HECTD4: variants seen among roughly 807,000 people sequenced by gnomAD.
HECTD4 encodes the protein HECT domain E3 ubiquitin protein ligase 4.
A neutral mutation model predicts 471.5 loss-of-function variants in HECTD4; 114 were observed. That is an observed-to-expected ratio of 0.24 (90% CI 0.21 to 0.28). The LOEUF (loss-of-function observed/expected upper bound fraction) is 0.28, where lower values mean the gene tolerates loss of function less well. HECTD4 is among the 10% of genes least tolerant of loss of function. The pLI, the probability that HECTD4 is intolerant of heterozygous loss-of-function variation, is 1.00. For missense variants in HECTD4, 3,866 were observed against 5,651.5 expected (o/e 0.68, Z 10.13); for synonymous variants, 2,012 against 2,256.0 (o/e 0.89, Z 3.07).
intron 52 of HECTD4, among the ~76,000 whole-genome samples, chr12:112,206,127 A>G (rs1378004048): frequency 1.3e-5 from 2 of 152,182 alleles, no homozygotes; most frequent in Non-Finnish European, 2.9e-5. Context: ...TATGGGAGGA[A>G]AGCAAAATGG....
At chr12:112,259,856 A>C (rs1271976892) in intron 18 of HECTD4, among the ~76,000 whole-genome samples, 1 of 151,980 alleles carries the variant, frequency 6.6e-6, no homozygotes, top group Non-Finnish European at 1.5e-5. Flanking sequence ...ACATTGATTC[A>C]CCTGCCCAGA....
chr12:112,244,637 C>T (rs533206516), intron 29 of HECTD4, among the ~76,000 whole-genome samples: 1 of 152,324 alleles, frequency 6.6e-6, no homozygotes, highest in Admixed American at 6.5e-5. Context: ...TCCCAAAGTG[C>T]CAGGATTACA....
intron 69 of HECTD4, 158 bp downstream of exon 69, chr12:112,170,175 G>C: frequency 9.8e-7 from 1 of 1,015,954 alleles, no homozygotes; most frequent in South Asian, 1.6e-5. Context: ...CTCCTGAGGG[G>C]ACCTTCCAGC....
intron 38 of HECTD4, among the ~76,000 whole-genome samples, chr12:112,232,219 C>T (rs1253070349): frequency 1.3e-5 from 2 of 152,140 alleles, no homozygotes; most frequent in Admixed American, 6.5e-5. Context: ...CAACCTCCAC[C>T]TCCCAGGTTC....
intron 66 of HECTD4, among the ~76,000 whole-genome samples, chr12:112,175,088 G>C (rs936776890): frequency 2.6e-5 from 4 of 152,224 alleles, no homozygotes; most frequent in Non-Finnish European, 5.9e-5. Context: ...ATGTGGACTC[G>C]AGGCAAAGTG....
intron 1 of HECTD4, among the ~76,000 whole-genome samples, chr12:112,356,004 T>C (rs540954886): frequency 1.1e-4 from 17 of 152,162 alleles, no homozygotes; most frequent in Non-Finnish European, 1.9e-4. Context: ...ACAGAATTTC[T>C]AGCGGGGTGA....
In HECTD4 at chr12:112,243,867, C is replaced by T; in HGVS notation, c.4649+7G>A. The T allele has an allele frequency of 1.9e-6, 3 of 1,613,388 alleles. No individual in the cohort carries two copies. The highest frequency in any genetic ancestry group is 2.5e-6 in the Non-Finnish European group (3 of 1,179,380). ...TGGGAACCCAACCCCGGCCATTAGC[C>T]ATTTACCTCTGATTTGCTCTAGTAA... On this transcript the variant is annotated splice_region_variant and intron_variant, in intron 30 of 75. Transcript: ENST00000682272. The surrounding 1 kb of genome is among the most constrained non-coding windows in gnomAD (Gnocchi z 6.6).
rs367897616 is a variant in HECTD4 at position 112,176,791 on chromosome 12, C to T, written c.11364-89G>A. 133 of 1,023,164 alleles carry T rather than the reference C, an allele frequency of 1.3e-4. No homozygotes were observed. In the African/African-American group the frequency reaches 1.9e-3, roughly 15 times the overall value. The allele number at this position is 1,023,164 out of a possible 1,614,324, so 63.4% of individuals were successfully genotyped here. On this transcript the variant is annotated intron_variant, in intron 64 of 75. Transcript: ENST00000682272. ...ACAGCCTCATAGTCATTCATTCCTG[C>T]TCCCTCCTCCAACTTAGGGCTTAGG...
chr12:112,289,843 A>T (rs530330534), intron 7 of HECTD4, among the ~76,000 whole-genome samples: 3 of 151,984 alleles, frequency 2.0e-5, no homozygotes, highest in Non-Finnish European at 2.9e-5. Context: ...CGCCCAGCTA[A>T]TTTTTGTATT....
Position 112,172,882 on chromosome 12 carries a change from A to T in HECTD4, c.11595-21T>A, listed in dbSNP as rs372024775. The T allele has an allele frequency of 2.5e-6, 4 of 1,607,376 alleles. No individual in the cohort carries two copies. In the African/African-American group the frequency reaches 5.4e-5, roughly 22 times the overall value. On this transcript the variant is annotated intron_variant, in intron 66 of 75. Transcript: ENST00000682272. ...CGCACCTTGGGGTGGGGACAGGGGGAGAGGGGCAAAGTGAGGCAGGGCACA... is the reference window on the plus strand; with the variant it reads ...CGCACCTTGGGGTGGGGACAGGGGGTGAGGGGCAAAGTGAGGCAGGGCACA...
At chr12:112,171,417 A>C in intron 67 of HECTD4, 154 bp from the exon 68 acceptor site, 8 of 1,222,548 alleles carry the variant, frequency 6.5e-6, no homozygotes, top group Non-Finnish European at 7.9e-6. Context: ...GCGGCCCCCA[A>C]TGTGCCTGTG....
In HECTD4 at chr12:112,185,184, C is replaced by G. The variant is rs2031815750; in HGVS notation, c.9782G>C (p.Cys3261Ser). 1 of 1,551,834 alleles carries G rather than the reference C, an allele frequency of 6.4e-7. No individual in the cohort carries two copies. The highest frequency in any genetic ancestry group is 1.4e-5 in the African/African-American group (1 of 73,176). ...STYFHALMEGCLAVAEVTLPT... is the reference protein window; with the variant it reads ...STYFHALMEGSLAVAEVTLPT... ...CAGGGTCACTTCGGCCACAGCCAGG[C>G]ACCCTTCCATGAGTGCATGAAAATA... Residue 3261 changes from cysteine to serine, a missense_variant, in exon 61 of 76, where the codon TGC becomes TCC. Coordinates refer to ENST00000682272, the MANE Select transcript of HECTD4 (RefSeq NM_001388303.1).
chr12:112,209,389 C>T (rs918682829), intron 50 of HECTD4, among the ~76,000 whole-genome samples: 3 of 150,472 alleles, frequency 2.0e-5, no homozygotes, highest in African/African-American at 4.9e-5. Context: ...TGCAATGGCA[C>T]GATCTCAACT....
chr12:112,238,868 T>C (rs1042060261), intron 34 of HECTD4, among the ~76,000 whole-genome samples, 184 bp downstream of exon 34: 14 of 152,214 alleles, frequency 9.2e-5, no homozygotes, highest in African/African-American at 3.1e-4. Context: ...CTCATCGTAA[T>C]GCTGTAAGTT....
At chr12:112,216,628 TG>T (rs1406427161) in intron 47 of HECTD4, 144 bp downstream of exon 47, 2 of 1,011,776 alleles carry the variant, frequency 2.0e-6, no homozygotes, top group African/African-American at 3.3e-5. Flanking sequence ...TAATGTGCAC[TG>T]GAAATCTCCA....
intron 51 of HECTD4, 44 bp from the exon 52 acceptor site, chr12:112,208,044 T>G: frequency 6.3e-7 from 1 of 1,594,780 alleles, no homozygotes; most frequent in South Asian, 1.1e-5. Context: ...GAATATCTGG[T>G]GCAGGCATCA....
intron 32 of HECTD4, among the ~76,000 whole-genome samples, chr12:112,241,187 T>C (rs1213880923): frequency 6.6e-6 from 1 of 152,234 alleles, no homozygotes; most frequent in Non-Finnish European, 1.5e-5. Flanking sequence ...CATTTTTTTT[T>C]CAAGTTTCTG....
intron 66 of HECTD4, among the ~76,000 whole-genome samples, chr12:112,175,449 G>A (rs1479790215): frequency 6.6e-6 from 1 of 152,210 alleles, no homozygotes; most frequent in Non-Finnish European, 1.5e-5. Context: ...CTCCAGAACT[G>A]AGAGAGAATA....
Position 112,239,347 on chromosome 12 carries a change from C to A in HECTD4, c.5106-111G>T. On this transcript the variant is annotated intron_variant, in intron 33 of 75. Coordinates refer to ENST00000682272, the MANE Select transcript of HECTD4 (RefSeq NM_001388303.1). This position sits in a 1 kb window ranked among gnomAD's most constrained non-coding sequence, Gnocchi z 4.9. ...ACATGCTGGTGCAGCTCTTTCCCTA[C>A]AACTTAGGATACTGCCATGTGCAAT... 1 of 880,036 alleles carries A rather than the reference C, an allele frequency of 1.1e-6. No individual in the cohort carries two copies. Among genetic ancestry groups the A allele is most frequent in the Non-Finnish European group, 1.7e-6 (1 of 596,432 alleles). 54.5% of individuals were successfully genotyped at this position (880,036 alleles called of 1,614,324 possible).
Sources: allele counts gnomAD v4.1 joint callset (sites outside exome capture counted in the v4.1 genomes callset), GRCh38; gene constraint gnomAD v4.1.1; non-coding constraint Gnocchi (gnomAD v3.1); transcripts MANE v1.5; gene names NCBI Gene and HGNC (gene_info 2026-07-23, HGNC 2026-07-21).